The following DDB1 variants were observed in gnomAD, a reference collection of about 807,000 sequenced individuals.
The protein encoded by DDB1 is DNA damage-binding protein 1.
Under a neutral mutation model 133.1 loss-of-function variants are expected in DDB1, and 18 were observed. That is an observed-to-expected ratio of 0.14 (90% CI 0.09 to 0.20). The LOEUF (loss-of-function observed/expected upper bound fraction) is 0.20, where lower values mean the gene tolerates loss of function less well. Among genes scored for constraint, DDB1 ranks in the 10% least tolerant of loss-of-function variants. The probability of loss-of-function intolerance (pLI) is 1.00; values close to 1 mark genes in which losing one functional copy is unlikely to be tolerated. For missense variants in DDB1, 828 were observed against 1,459.2 expected (o/e 0.57, Z 7.05); for synonymous variants, 580 against 550.5 (o/e 1.05, Z -0.75).
chr11:61,314,994 T>G (rs1012451411), intron 12 of DDB1: 1 of 152,278 alleles, frequency 6.6e-6, no homozygotes, highest in Non-Finnish European at 1.5e-5. Context: ...CATGCCTGGT[T>G]AACTTTTGTT....
At chr11:61,302,954 C>G (rs1426136239) in intron 23 of DDB1, 92 bp downstream of exon 23, 1 of 1,348,438 alleles carries the variant, frequency 7.4e-7, no homozygotes, top group South Asian at 1.2e-5. Flanking sequence ...ACAGGAGCAC[C>G]TGAACCTGAC....
At chr11:61,303,293 C>T (rs1408255120) in intron 22 of DDB1, 138 bp from the exon 23 acceptor site, 18 of 752,402 alleles carry the variant, frequency 2.4e-5, no homozygotes, top group Non-Finnish European at 3.9e-5. Context: ...CAAGTGTCAC[C>T]CTAGAGGGAT....
Position 61,314,104 on chromosome 11 carries a change from C to A in DDB1, c.1696G>T (p.Ala566Ser), listed in dbSNP as rs1324840159. The A allele has an allele frequency of 1.2e-6, 2 of 1,614,020 alleles. No individual in the cohort carries two copies. The highest frequency in any genetic ancestry group is 3.3e-5 in the Admixed American group (2 of 59,998). Residue 566 changes from alanine (A) to serine (S), a missense_variant, in exon 14 of 27, where the codon GCT (alanine) becomes TCT (serine). This residue lies in a region of DDB1 where 396 missense variants were observed against 554.1 expected (regional missense o/e 0.71). Coordinates refer to ENST00000301764, the MANE Select transcript of DDB1 (RefSeq NM_001923.5). Reference sequence around the variant, plus strand: ...AAAGAGGGCAACTTCAAGATACGAGCCGAGATGTCCGTCCAGAGGCCAATG... The same window carrying A: ...AAAGAGGGCAACTTCAAGATACGAGACGAGATGTCCGTCCAGAGGCCAATG... ...CAIGLWTDIS[A>S]RILKLPSFEL... is the part of the protein sequence containing the mutation.
chr11:61,332,604 G>C, intron 1 of DDB1: 1 of 320,404 alleles, frequency 3.1e-6, no homozygotes, highest in Non-Finnish European at 5.7e-6. Context: ...CCAATCTCCG[G>C]GCCCAAACGA....
chr11:61,319,532 A>T (rs542621729), intron 10 of DDB1, among the ~76,000 whole-genome samples: 1 of 152,186 alleles, frequency 6.6e-6, no homozygotes, highest in South Asian at 2.1e-4. Flanking sequence ...CCTGGGTTCA[A>T]GTGATTCCCC....
intron 8 of DDB1, 107 bp downstream of exon 8, chr11:61,322,904 G>T: frequency 1.2e-6 from 1 of 838,956 alleles, no homozygotes; most frequent in Non-Finnish European, 1.9e-6. Context: ...GGATAGTAGG[G>T]ATGTGGATAA....
At chr11:61,320,466 G>C (rs1490942717) in intron 10 of DDB1, among the ~76,000 whole-genome samples, 3 of 152,134 alleles carry the variant, frequency 2.0e-5, no homozygotes, top group Non-Finnish European at 4.4e-5. Flanking sequence ...CTCCCAAAGT[G>C]CTGGGATTAC....
chr11:61,302,841 A>G (rs1855823408), intron 23 of DDB1, 90 bp from the exon 24 acceptor site: 2 of 1,534,164 alleles, frequency 1.3e-6, no homozygotes, highest in African/African-American at 1.4e-5. Context: ...ACGGTGCTCA[A>G]TTTCCCTGGG....
At chr11:61,312,124 G>A in intron 16 of DDB1, 40 bp from the exon 17 acceptor site, 1 of 1,588,548 alleles carries the variant, frequency 6.3e-7, no homozygotes, top group Non-Finnish European at 8.6e-7. Context: ...GGAGACTCAA[G>A]GAAGGCAAAG....
intron 21 of DDB1, among the ~76,000 whole-genome samples, chr11:61,304,797 G>A (rs1590679798): frequency 6.6e-6 from 1 of 150,962 alleles, no homozygotes; most frequent in Non-Finnish European, 1.5e-5. Flanking sequence ...AGAATGGTGC[G>A]AATCTGGGAG....
At chr11:61,319,257 C>T (rs1017809167) in intron 10 of DDB1, among the ~76,000 whole-genome samples, 2 of 152,144 alleles carry the variant, frequency 1.3e-5, no homozygotes, top group Non-Finnish European at 2.9e-5. Flanking sequence ...ACTCACTGAA[C>T]TGAGAAGCCA....
chr11:61,329,084 G>C (rs1856319058), intron 4 of DDB1, among the ~76,000 whole-genome samples: 1 of 152,066 alleles, frequency 6.6e-6, no homozygotes, highest in South Asian at 2.1e-4. Context: ...TATAAACTGG[G>C]TCATCCTATG....
At chr11:61,323,754 C>T (rs1856223681) in intron 7 of DDB1, 2 of 521,206 alleles carry the variant, frequency 3.8e-6, no homozygotes, top group East Asian at 6.5e-5. Context: ...TTTCTGTTTC[C>T]CTTTCTTTTC....
rs532288147 is a variant in DDB1 at position 61,301,056 on chromosome 11, C to T, written c.3216-124G>A. 5.7e-5 allele frequency: 80 copies of T among 1,400,370 alleles called. No homozygotes were observed. In the Middle Eastern group the frequency reaches 2.8e-3, roughly 49 times the overall value. 86.7% of individuals were successfully genotyped at this position (1,400,370 alleles called of 1,614,324 possible). A position where few individuals can be genotyped will look rare whatever the true frequency, so the allele number is the denominator to read the frequency against. ...TTAGAAAGGAAATGACACTTCCTTT[C>T]GCCTTGCTTTTATTTGGACATTTTT... On this transcript the variant is annotated intron_variant, in intron 25 of 26. Coordinates refer to ENST00000301764, the MANE Select transcript of DDB1 (RefSeq NM_001923.5).
intron 10 of DDB1, 188 bp downstream of exon 10, chr11:61,321,406 CT>C (rs59592773): frequency 0.12 from 38,120 of 323,616 alleles, 6,517 homozygotes; most frequent in African/African-American, 0.56. Context: ...GTAGTATTTT[CT>C]TTTTTTTTTT....
Position 61,327,446 on chromosome 11 carries a change from GA to G in DDB1, c.550-554del, listed in dbSNP as rs1019857146. On this transcript the variant is annotated intron_variant, in intron 4 of 26. Coordinates refer to ENST00000301764, the MANE Select transcript of DDB1 (RefSeq NM_001923.5). Reference sequence around the variant, plus strand: ...GGCGACCGAGCAAGACTCCATCTCAGAAAAAAAAAAAAAAGAGATACAGTGT... The same window carrying G: ...GGCGACCGAGCAAGACTCCATCTCAGAAAAAAAAAAAAAGAGATACAGTGT... 901 of 132,946 alleles carry G rather than the reference GA, an allele frequency of 6.8e-3. 1 individual carries two copies. Among genetic ancestry groups the G allele is most frequent in the Middle Eastern group, 0.017 (4 of 242 alleles). 8.2% of individuals were successfully genotyped at this position (132,946 alleles called of 1,614,324 possible). A position where few individuals can be genotyped will look rare whatever the true frequency, so the allele number is the denominator to read the frequency against.
chr11:61,299,786 C>T lies in DDB1; in HGVS notation c.*350G>A. The T allele has an allele frequency of 2.7e-6, 1 of 369,718 alleles. No individual in the cohort carries two copies. The highest frequency in any genetic ancestry group is 2.6e-5 in the South Asian group (1 of 38,720). 22.9% of individuals were successfully genotyped at this position (369,718 alleles called of 1,614,324 possible). ...TGCATGAGTGTGAGATACACATACA[C>T]ACACACACATACACACACACACACG... On this transcript the variant is annotated 3_prime_UTR_variant, in exon 27 of 27. Transcript: ENST00000301764.
Position 61,324,801 on chromosome 11 carries a change from C to T in DDB1, c.763-664G>A, listed in dbSNP as rs990520400. Among the ~76,000 whole-genome samples, 5 of 152,170 alleles carry T rather than the reference C, an allele frequency of 3.3e-5. No homozygotes were observed. The East Asian group carries it at 9.6e-4, about 29-fold the overall frequency. ...GACTTTCTTAGCCTTTATAATTTAT[C>T]AATATATTACTTTATATGACTTGAG... On this transcript the variant is annotated intron_variant, in intron 6 of 26. Transcript: ENST00000301764.
At chr11:61,308,947 C>A (rs770724780) in intron 21 of DDB1, 36 bp downstream of exon 21, 1 of 1,597,234 alleles carries the variant, frequency 6.3e-7, no homozygotes, top group Admixed American at 1.7e-5. Context: ...CAATGATGGG[C>A]AGCCTAAAGT....
Sources: allele counts gnomAD v4.1 joint callset (sites outside exome capture counted in the v4.1 genomes callset), GRCh38; gene constraint gnomAD v4.1.1; regional missense constraint gnomAD v4.1.1; transcripts MANE v1.5; gene names NCBI Gene and HGNC (gene_info 2026-07-23, HGNC 2026-07-21).